Variants in MROH1 observed in about 807,000 individuals in gnomAD.
MROH1 encodes maestro heat-like repeat-containing protein family member 1.
A neutral mutation model predicts 116.5 loss-of-function variants in MROH1; 117 were observed. The ratio of observed to expected loss-of-function variants is 1.00; its 90% CI spans 0.86 to 1.17. MROH1 has a LOEUF of 1.17. Among genes scored for constraint, MROH1 ranks in the 50% most tolerant of loss-of-function variants. The pLI, the probability that MROH1 is intolerant of heterozygous loss-of-function variation, is 0.00. For missense variants in MROH1, 1,873 were observed against 1,338.5 expected (o/e 1.40, Z -6.23); for synonymous variants, 921 against 583.9 (o/e 1.58, Z -8.32).
chr8:144,242,610 A>C lies in MROH1; in HGVS notation c.2334A>C (p.Gly778=), dbSNP rs1841199472. ...CACTTTTTGTTGTTCAGGTTCTAGG[A>C]ATAAAGGTAGAAACCAAGGTACAGT... ...ICQHFSTKVL[G]IKVETKDPAL... Residue 778 remains glycine (G), a synonymous_variant, in exon 24 of 44, where the codon GGA becomes GGC. Transcript: ENST00000326134. The C allele has an allele frequency of 3.8e-6, 3 of 780,202 alleles. No individual in the cohort carries two copies. The South Asian group carries it at 4.0e-5, about 10-fold the overall frequency. 48.3% of individuals were successfully genotyped at this position (780,202 alleles called of 1,614,324 possible). A position where few individuals can be genotyped will look rare whatever the true frequency, so the allele number is the denominator to read the frequency against.
chr8:144,201,881 C>A (rs1241507537), intron 12 of MROH1, among the ~76,000 whole-genome samples: 2 of 151,986 alleles, frequency 1.3e-5, no homozygotes, highest in Non-Finnish European at 2.9e-5. Flanking sequence ...ATTAGCCTGG[C>A]GTGGTGGCGG....
chr8:144,220,572 GC>G, intron 12 of MROH1, 27 bp from the exon 13 acceptor site: 1 of 1,555,198 alleles, frequency 6.4e-7, no homozygotes, highest in East Asian at 2.4e-5. Flanking sequence ...TCAGTGGTAG[GC>G]TGAGCTGTCC....
At position 144,203,922 on chromosome 8, in the gene MROH1, C is replaced by T. The variant is rs188121080; in HGVS notation, c.1141+3381C>T. Among the ~76,000 whole-genome samples the T allele has an allele frequency of 2.0e-5, 3 of 152,286 alleles. No individual in the cohort carries two copies. In the East Asian group the frequency reaches 5.8e-4, roughly 29 times the overall value. Reference sequence around the variant, plus strand: ...TGTTAATTCATCAATCACATTTATGCTTTTCAGCGTTCACTTTGTTTTCCC... The same window carrying T: ...TGTTAATTCATCAATCACATTTATGTTTTTCAGCGTTCACTTTGTTTTCCC... On this transcript the variant is annotated intron_variant, in intron 12 of 43. Transcript: ENST00000326134.
rs376468888 is a variant in MROH1, at chr8:144,213,107, G to A, written c.1142-7493G>A. 6.7e-5 allele frequency: 52 copies of A among 774,426 alleles called. 1 individual carries two copies. The highest frequency in any genetic ancestry group is 1.9e-4 in the African/African-American group (11 of 59,224). 48.0% of individuals were successfully genotyped at this position (774,426 alleles called of 1,614,324 possible). A position where few individuals can be genotyped will look rare whatever the true frequency, so the allele number is the denominator to read the frequency against. ...GCCTGCTGATCTAACGGCCGCGCCC[G>A]CGTCTGTTGCTTGAGTCACCACGGC... is the stretch of plus-strand genomic sequence containing the variant. On this transcript the variant is annotated intron_variant, in intron 12 of 43. Transcript: ENST00000326134.
chr8:144,235,493 C>A (rs1160895601), intron 14 of MROH1, among the ~76,000 whole-genome samples: 1 of 152,172 alleles, frequency 6.6e-6, no homozygotes, highest in Non-Finnish European at 1.5e-5. Context: ...TGCTGTGGGG[C>A]TTCATCAGGT....
Position 144,220,665 on chromosome 8 carries a change from A to C in MROH1, c.1207A>C (p.Asn403His). The change falls in exon 13 of 44, where the codon AAC becomes CAC. Residue 403 changes from asparagine to histidine, a missense_variant. Coordinates refer to ENST00000326134, the MANE Select transcript of MROH1 (RefSeq NM_032450.3). ...SSMRLPLLDT[N>H]SKVKRAVVQV... is the part of the protein sequence containing the mutation. ...CATGAGGCTTCCTCTCCTGGACACC[A>C]ACAGCAAGGTAAACCACATGGGCCA... The C allele has an allele frequency of 6.4e-7, 1 of 1,573,350 alleles. No homozygotes were observed. Among genetic ancestry groups the C allele is most frequent in the East Asian group, 2.3e-5 (1 of 42,716 alleles).
intron 1 of MROH1, among the ~76,000 whole-genome samples, chr8:144,149,813 A>C (rs1238353319): frequency 6.6e-6 from 1 of 151,170 alleles, no homozygotes; most frequent in East Asian, 2.0e-4. Flanking sequence ...GGGGGTTTGC[A>C]TGAGCACCAG....
intron 3 of MROH1, among the ~76,000 whole-genome samples, chr8:144,165,409 G>A (rs899916423): frequency 5.7e-4 from 87 of 152,030 alleles, no homozygotes; most frequent in Middle Eastern, 3.4e-3. Context: ...GTGAGCCACC[G>A]CGCACAGCCC....
In MROH1 at chr8:144,174,796, G is replaced by A. The variant is rs536523949; in HGVS notation, c.169-4659G>A. 9 of 983,350 alleles carry A rather than the reference G, an allele frequency of 9.2e-6. No homozygotes were observed. The Admixed American group carries it at 2.5e-4, about 27-fold the overall frequency. The allele number at this position is 983,350 out of a possible 1,614,324, so 60.9% of individuals were successfully genotyped here. A position where few individuals can be genotyped will look rare whatever the true frequency, so the allele number is the denominator to read the frequency against. ...CTGTGGCTGGCCCTATCCATTTTTT[G>A]TAAAATGTAGATTCCTATGCCTTTT... On this transcript the variant is annotated intron_variant, in intron 4 of 43. Coordinates refer to ENST00000326134, the MANE Select transcript of MROH1 (RefSeq NM_032450.3).
intron 37 of MROH1, 100 bp from the exon 38 acceptor site, chr8:144,259,811 A>G: frequency 1.4e-6 from 1 of 703,928 alleles, no homozygotes; most frequent in Non-Finnish European, 2.6e-6. Flanking sequence ...TCTGTCTGCC[A>G]CACCGGCGTG....
rs145020388 is a variant in MROH1 at position 144,161,796 on chromosome 8, C to T, written c.-57+707C>T. Among the ~76,000 whole-genome samples the T allele has an allele frequency of 9.9e-5, 15 of 152,280 alleles. 2 individuals are homozygous for T. Among genetic ancestry groups the T allele is most frequent in the African/African-American group, 2.9e-4 (12 of 41,558 alleles). Reference sequence around the variant, plus strand: ...GTCGTGGACTGGCGTTGGTTCCGCCCGTTTCTTCCTGGACGACGGAGCTGG... The same window carrying T: ...GTCGTGGACTGGCGTTGGTTCCGCCTGTTTCTTCCTGGACGACGGAGCTGG... On this transcript the variant is annotated intron_variant, in intron 2 of 43. Transcript: ENST00000326134.
At chr8:144,183,595 C>T (rs1356344367) in intron 7 of MROH1, among the ~76,000 whole-genome samples, 2 of 151,736 alleles carry the variant, frequency 1.3e-5, no homozygotes, top group Non-Finnish European at 2.9e-5. Flanking sequence ...GGCCCCTGGG[C>T]ACCTGCCTGC....
In MROH1 at chr8:144,180,128, G is replaced by C; in HGVS notation, c.301-50G>C. 1 of 1,606,568 alleles carries C rather than the reference G, an allele frequency of 6.2e-7. No homozygotes were observed. Among genetic ancestry groups the C allele is most frequent in the Non-Finnish European group, 8.5e-7 (1 of 1,174,468 alleles). ...CCAAGGCTGGCAGCGACTGAGGGCA[G>C]AATGTCTTGGTCTTGCCTTTTGGTC... On this transcript the variant is annotated intron_variant, in intron 5 of 43. Transcript: ENST00000326134. This position sits in a 1 kb window ranked among gnomAD's most constrained non-coding sequence, Gnocchi z 7.4.
At position 144,261,840 on chromosome 8, in the gene MROH1, A is replaced by C. The variant is rs1243919595; in HGVS notation, c.*100A>C. ...GACCACAGCCTGGGCACACGACTGG[A>C]GGGGCCTGGCCCCAGAACAGGCACT... is the stretch of plus-strand genomic sequence containing the variant. On this transcript the variant is annotated 3_prime_UTR_variant, in exon 44 of 44. Coordinates refer to ENST00000326134, the MANE Select transcript of MROH1 (RefSeq NM_032450.3). 1.4e-6 allele frequency: 1 copy of C among 698,326 alleles called. No homozygotes were observed. Among genetic ancestry groups the C allele is most frequent in the Non-Finnish European group, 2.6e-6 (1 of 383,696 alleles). 43.3% of individuals were successfully genotyped at this position (698,326 alleles called of 1,614,324 possible). A position where few individuals can be genotyped will look rare whatever the true frequency, so the allele number is the denominator to read the frequency against.
chr8:144,148,255 C>T (rs1815885174), intron 1 of MROH1, among the ~76,000 whole-genome samples, 179 bp downstream of exon 1: 2 of 152,294 alleles, frequency 1.3e-5, no homozygotes, highest in South Asian at 2.1e-4. Context: ...GCGGGGACCT[C>T]GGCTCAGGTG....
rs1843423771 is a variant in MROH1, at chr8:144,254,886, GAGA to G, written c.3506_3508del (p.Lys1169del). 1 of 778,270 alleles carries G rather than the reference GAGA, an allele frequency of 1.3e-6. No homozygotes were observed. The highest frequency in any genetic ancestry group is 2.4e-6 in the Non-Finnish European group (1 of 417,572). The allele number at this position is 778,270 out of a possible 1,614,324, so 48.2% of individuals were successfully genotyped here. On this transcript the variant is annotated inframe_deletion, in exon 34 of 44. Coordinates refer to ENST00000326134, the MANE Select transcript of MROH1 (RefSeq NM_032450.3). Reference sequence around the variant, plus strand: ...TGCCCAGGTCCTGGGGCTGCTGCTGGAGAAGATGAGTAGGGACGTCCCTTTCAA... The same window carrying G: ...TGCCCAGGTCCTGGGGCTGCTGCTGGAGATGAGTAGGGACGTCCCTTTCAA...
At chr8:144,179,431 G>A (rs137866191) in intron 4 of MROH1, 24 bp from the exon 5 acceptor site, 17 of 1,611,680 alleles carry the variant, frequency 1.1e-5, no homozygotes, top group Middle Eastern at 3.3e-4. Context: ...ACCTGGGACC[G>A]ACCTGGACGG....
Position 144,254,894 on chromosome 8 carries a change from GAGT to G in MROH1, c.3513_3515del (p.Ser1171del). On this transcript the variant is annotated inframe_deletion, in exon 34 of 44. Coordinates refer to ENST00000326134, the MANE Select transcript of MROH1 (RefSeq NM_032450.3). ...TCCTGGGGCTGCTGCTGGAGAAGAT[GAGT>G]AGGGACGTCCCTTTCAAGGAGAGCC... 1.3e-6 allele frequency: 1 copy of G among 778,234 alleles called. No homozygotes were observed. The highest frequency in any genetic ancestry group is 2.4e-6 in the Non-Finnish European group (1 of 417,560). The allele number at this position is 778,234 out of a possible 1,614,324, so 48.2% of individuals were successfully genotyped here. A position where few individuals can be genotyped will look rare whatever the true frequency, so the allele number is the denominator to read the frequency against.
chr8:144,229,591 A>C (rs531289254), intron 14 of MROH1, among the ~76,000 whole-genome samples: 3 of 151,942 alleles, frequency 2.0e-5, no homozygotes, highest in Admixed American at 6.6e-5. Flanking sequence ...AGGTTTTGCT[A>C]TGTTGCCCAG....
Sources: allele counts gnomAD v4.1 joint callset (sites outside exome capture counted in the v4.1 genomes callset), GRCh38; gene constraint gnomAD v4.1.1; non-coding constraint Gnocchi (gnomAD v3.1); transcripts MANE v1.5; gene names NCBI Gene and HGNC (gene_info 2026-07-23, HGNC 2026-07-21).